Variants in MFSD12 observed in about 807,000 individuals in gnomAD.
MFSD12 encodes the protein major facilitator superfamily domain containing 12.
A neutral mutation model predicts 51.2 loss-of-function variants in MFSD12; 67 were observed. The ratio of observed to expected loss-of-function variants is 1.31; its 90% CI spans 1.08 to 1.60. MFSD12 has a LOEUF of 1.60. MFSD12 is among the 40% of genes most tolerant of loss of function. MFSD12 has a pLI of 0.00. For synonymous variants in MFSD12, 441 were observed against 316.7 expected (o/e 1.39, Z -4.17); for missense variants, 921 against 673.0 (o/e 1.37, Z -4.08).
chr19:3,548,869 T>G (rs528126079), intron 2 of MFSD12, among the ~76,000 whole-genome samples: 1 of 152,292 alleles, frequency 6.6e-6, no homozygotes, highest in South Asian at 2.1e-4. Flanking sequence ...TTGGGCAACC[T>G]GTGTCGTTAG....
chr19:3,556,471 C>G (rs1038807664), intron 1 of MFSD12, among the ~76,000 whole-genome samples: 26 of 151,812 alleles, frequency 1.7e-4, no homozygotes, highest in Admixed American at 1.4e-3. Flanking sequence ...GGATACGGGG[C>G]AGTTAAACAG....
intron 1 of MFSD12, among the ~76,000 whole-genome samples, chr19:3,556,819 G>A (rs1274735019): frequency 8.2e-6 from 1 of 121,486 alleles, no homozygotes. Context: ...TGGTGGGACT[G>A]ATGGAGGAAG....
Position 3,551,018 on chromosome 19 carries a change from T to C in MFSD12, c.475A>G (p.Asn159Asp). The change falls in exon 2 of 10, where the codon AAC (asparagine) becomes GAC (aspartate). Residue 159 changes from asparagine (N) to aspartate (D), a missense_variant. Coordinates refer to ENST00000355415, the MANE Select transcript of MFSD12 (RefSeq NM_174983.5). This position sits in a 1 kb window ranked among gnomAD's most constrained non-coding sequence, Gnocchi z 4.6. ...GTGAGCTCCACCTTCTCATGGTCGT[T>C]GGTGACGAGCTCCGGGATGAGGCTG... ...HLSLIPELVT[N>D]DHEKVELTAL... The C allele has an allele frequency of 6.2e-7, 1 of 1,612,648 alleles. No homozygotes were observed. Among genetic ancestry groups the C allele is most frequent in the Middle Eastern group, 1.7e-4 (1 of 5,848 alleles).
At chr19:3,545,054 A>G in intron 8 of MFSD12, 115 bp from the exon 9 acceptor site, 2 of 1,383,238 alleles carry the variant, frequency 1.4e-6, no homozygotes, top group South Asian at 2.8e-5. Flanking sequence ...CCAATCCAGG[A>G]GCTGGGGGCC....
chr19:3,538,666 T>G lies in MFSD12; in HGVS notation c.*96A>C, dbSNP rs944326539. 4 of 384,712 alleles carry G rather than the reference T, an allele frequency of 1.0e-5. No individual in the cohort carries two copies. In the African/African-American group the frequency reaches 1.5e-4, roughly 14 times the overall value. 23.8% of individuals were successfully genotyped at this position (384,712 alleles called of 1,614,324 possible). A position where few individuals can be genotyped will look rare whatever the true frequency, so the allele number is the denominator to read the frequency against. The stretch of plus-strand genomic sequence containing the variant: ...TTCCAGCACGGTGGCGGCGCCGTGC[T>G]GATCCCCTCACCTTCACTGGGTGTT... On this transcript the variant is annotated 3_prime_UTR_variant, in exon 5 of 5. Coordinates refer to the MFSD12 transcript ENST00000398558.
downstream of MFSD12, chr19:3,544,100 G>C: frequency 1.4e-6 from 2 of 1,433,294 alleles, no homozygotes; most frequent in Admixed American, 5.5e-5. Context: ...CGGGACAGAG[G>C]CAGACACTGG....
At position 3,539,139 on chromosome 19, in the gene MFSD12, A is replaced by G. The variant is rs1276484304; in HGVS notation, c.*6-383T>C. 6 of 1,453,120 alleles carry G rather than the reference A, an allele frequency of 4.1e-6. No homozygotes were observed. In the East Asian group the frequency reaches 1.2e-4, roughly 30 times the overall value. 90.0% of individuals were successfully genotyped at this position (1,453,120 alleles called of 1,614,324 possible). ...CCTTTATGCTGTCAACGGTGGCCTC[A>G]GAGGCCTTCTGGCAGGAGCCCGGGG... On this transcript the variant is annotated intron_variant, in intron 4 of 4. Transcript: ENST00000398558.
Position 3,547,923 on chromosome 19 carries a change from G to T in MFSD12, c.762C>A (p.Thr254=), listed in dbSNP as rs775915477. 6.3e-6 allele frequency: 10 copies of T among 1,584,608 alleles called. No homozygotes were observed. Among genetic ancestry groups the T allele is most frequent in the South Asian group, 4.5e-5 (4 of 88,148 alleles). ...GGGCCGTGGCAGGGGCCAACAGGGG[G>T]GTGTGCTCGCCTGGCTCCTCCGCAT... ...RPHAEEPGEH[T]PLLAPATAQP... is the part of the protein sequence containing the mutation. The change falls in exon 4 of 10, where the codon ACC becomes ACA. Residue 254 remains threonine (T), a synonymous_variant. Transcript: ENST00000355415.
At chr19:3,547,181 G>C (rs2031131856) in intron 6 of MFSD12, 91 bp downstream of exon 6, 8 of 1,157,624 alleles carry the variant, frequency 6.9e-6, no homozygotes, top group Non-Finnish European at 1.0e-5. Context: ...AGGCCTGAGA[G>C]CATCCGAGGA....
At chr19:3,538,559 T>G in exon 5 of MFSD12, 1 of 397,906 alleles carries the variant, frequency 2.5e-6, no homozygotes, top group South Asian at 1.8e-5. Flanking sequence ...GTCTGGTGTC[T>G]CTCACTGAGC....
chr19:3,544,649 T>C lies in MFSD12; in HGVS notation c.*61A>G. On this transcript the variant is annotated 3_prime_UTR_variant, in exon 10 of 10. Transcript: ENST00000355415. ...CAGTGGGGGCTTTTCCCCAAGGCCCTGGGGGGCATCCTCGTGCGTCCCCAC... is the reference window on the plus strand; with the variant it reads ...CAGTGGGGGCTTTTCCCCAAGGCCCCGGGGGGCATCCTCGTGCGTCCCCAC... The C allele has an allele frequency of 6.5e-7, 1 of 1,545,978 alleles. No individual in the cohort carries two copies. Among genetic ancestry groups the C allele is most frequent in the Non-Finnish European group, 8.8e-7 (1 of 1,141,642 alleles).
intron 2 of MFSD12, among the ~76,000 whole-genome samples, chr19:3,549,796 G>A (rs1015662545): frequency 6.6e-6 from 1 of 151,410 alleles, no homozygotes; most frequent in Non-Finnish European, 1.5e-5. Flanking sequence ...GGCCAAGGCG[G>A]GCAGATCACC....
intron 2 of MFSD12, among the ~76,000 whole-genome samples, chr19:3,548,688 C>CGG (rs66553069): frequency 5.9e-5 from 9 of 152,066 alleles, no homozygotes; most frequent in Non-Finnish European, 1.2e-4. Flanking sequence ...CAGAGTCCCC[C>CGG]GGGGGGCCTC....
chr19:3,543,892 T>G, downstream of MFSD12: 15 of 1,550,862 alleles, frequency 9.7e-6, no homozygotes, highest in Non-Finnish European at 1.3e-5. Context: ...GTGCCCTCCC[T>G]GTCGGCACCC....
downstream of MFSD12, chr19:3,541,642 T>A (rs931764023): frequency 2.8e-5 from 28 of 984,772 alleles, no homozygotes; most frequent in Non-Finnish European, 3.3e-5. Context: ...TTCTATTTTT[T>A]AAAAAAATGG....
At chr19:3,548,688 C>CT (rs1555698125) in intron 2 of MFSD12, among the ~76,000 whole-genome samples, 2 of 152,066 alleles carry the variant, frequency 1.3e-5, no homozygotes, top group Admixed American at 6.5e-5. Flanking sequence ...CAGAGTCCCC[C>CT]GGGGGGCCTC....
chr19:3,557,444 G>A lies in MFSD12; in HGVS notation c.-41C>T, dbSNP rs2031794819. Reference sequence around the variant, plus strand: ...GCGCCCCCCACCCCCGGGCTCCGCGGAGGGTACCCTGGCCAGGCCTTCTTG... The same window carrying A: ...GCGCCCCCCACCCCCGGGCTCCGCGAAGGGTACCCTGGCCAGGCCTTCTTG... On this transcript the variant is annotated 5_prime_UTR_variant, in exon 1 of 10. Coordinates refer to ENST00000355415, the MANE Select transcript of MFSD12 (RefSeq NM_174983.5). 1 of 1,175,558 alleles carries A rather than the reference G, an allele frequency of 8.5e-7. No individual in the cohort carries two copies. The highest frequency in any genetic ancestry group is 1.1e-6 in the Non-Finnish European group (1 of 943,990). The allele number at this position is 1,175,558 out of a possible 1,614,324, so 72.8% of individuals were successfully genotyped here.
At chr19:3,549,716 CTT>C (rs2031359583) in intron 2 of MFSD12, among the ~76,000 whole-genome samples, 1 of 84,850 alleles carries the variant, frequency 1.2e-5, no homozygotes, top group Admixed American at 1.7e-4. Context: ...GAGTGAGACT[CTT>C]GTCTCAAAAA....
downstream of MFSD12, chr19:3,543,230 C>T: frequency 1.9e-6 from 3 of 1,541,990 alleles, no homozygotes; most frequent in Non-Finnish European, 1.7e-6. Context: ...CCTGCCCACC[C>T]TCAGCGATGA....
Sources: gnomAD v4.1 joint callset for allele counts (sites outside exome capture counted in the v4.1 genomes callset) on GRCh38, gnomAD v4.1.1 for gene constraint, Gnocchi (gnomAD v3.1) non-coding constraint, MANE v1.5 for transcripts, NCBI Gene and HGNC (gene_info 2026-07-23, HGNC 2026-07-21) for gene names.